AACS: variants seen among roughly 807,000 people sequenced by gnomAD.
The protein encoded by AACS is acetoacetyl-CoA synthetase.
AACS carries 69 observed loss-of-function variants against 83.1 expected under a neutral mutation model. The observed-to-expected ratio is 0.83, with a 90% CI of 0.68 to 1.01. AACS has a LOEUF of 1.01. Ranked by LOEUF, AACS falls within the 50% of genes least tolerant of loss-of-function variation. AACS has a pLI of 0.00. For missense variants in AACS, 866 were observed against 882.2 expected (o/e 0.98, Z 0.23); for synonymous variants, 333 against 343.4 (o/e 0.97, Z 0.33).
chr12:125,134,713 G>A (rs1957376107), intron 15 of AACS, 81 bp from the exon 16 acceptor site: 1 of 1,510,014 alleles, frequency 6.6e-7, no homozygotes, highest in South Asian at 1.1e-5. Flanking sequence ...AAAGTGGGGG[G>A]TGACTGCCCT....
At chr12:125,135,146 TTTTTTGGAGACAGAGTCTCGC>T (rs1374667552) in intron 16 of AACS, among the ~76,000 whole-genome samples, 1 of 151,948 alleles carries the variant, frequency 6.6e-6, no homozygotes, top group African/African-American at 2.4e-5. Context: ...TCTTTTTTTT[TTTTTTGGAGACAGAGTCTCGC>T]TGTGTCACCC....
intron 7 of AACS, among the ~76,000 whole-genome samples, chr12:125,106,898 T>G (rs887890965): frequency 6.6e-6 from 1 of 152,200 alleles, no homozygotes; most frequent in African/African-American, 2.4e-5. Flanking sequence ...TTAAGCAACT[T>G]GAAACCTTCA....
chr12:125,067,643 C>T (rs1352571156), intron 1 of AACS, among the ~76,000 whole-genome samples: 1 of 152,094 alleles, frequency 6.6e-6, no homozygotes, highest in African/African-American at 2.4e-5. Flanking sequence ...ACGCAGTTCT[C>T]CTGCCTCAGC....
chr12:125,091,985 C>T (rs1181684439), intron 5 of AACS, among the ~76,000 whole-genome samples: 1 of 152,228 alleles, frequency 6.6e-6, no homozygotes, highest in African/African-American at 2.4e-5. Context: ...TGTGGGTGTG[C>T]ACTCCGGGAG....
chr12:125,141,167 T>A (rs2136147792), intron 17 of AACS: 1 of 152,434 alleles, frequency 6.6e-6, no homozygotes, highest in East Asian at 1.9e-4. Context: ...CCCTGAAAAC[T>A]TTCTTGCCCA....
At position 125,102,892 on chromosome 12, in the gene AACS, T is replaced by G. The variant is rs978665282; in HGVS notation, c.685+99T>G. On this transcript the variant is annotated intron_variant, in intron 6 of 17. Coordinates refer to ENST00000316519, the MANE Select transcript of AACS (RefSeq NM_023928.5). Reference sequence around the variant, plus strand: ...AATCTGGGTAGTCTCTGCCCCAGATTGTGTTATATTCTCTGCCCCAGATTG... The same window carrying G: ...AATCTGGGTAGTCTCTGCCCCAGATGGTGTTATATTCTCTGCCCCAGATTG... 1.3e-5 allele frequency: 19 copies of G among 1,430,484 alleles called. No homozygotes were observed. The African/African-American group carries it at 2.3e-4, about 17-fold the overall frequency. 88.6% of individuals were successfully genotyped at this position (1,430,484 alleles called of 1,614,324 possible). A position where few individuals can be genotyped will look rare whatever the true frequency, so the allele number is the denominator to read the frequency against.
chr12:125,128,396 T>C, intron 13 of AACS, 122 bp downstream of exon 13: 2 of 829,434 alleles, frequency 2.4e-6, no homozygotes, highest in Non-Finnish European at 3.6e-6. Context: ...GGGAGGCCCC[T>C]GTCACTTGCA....
chr12:125,099,660 A>G (rs566752718), intron 5 of AACS, among the ~76,000 whole-genome samples: 2 of 152,262 alleles, frequency 1.3e-5, no homozygotes, highest in East Asian at 3.9e-4. Context: ...TCTACAAGGG[A>G]TAACTGGAAA....
intron 5 of AACS, among the ~76,000 whole-genome samples, chr12:125,099,990 C>G (rs540538310): frequency 1.3e-5 from 2 of 151,966 alleles, no homozygotes; most frequent in African/African-American, 4.8e-5. Context: ...TGCATTTTTT[C>G]TTCTTGACCA....
In AACS at chr12:125,065,638, G is replaced by GT. The variant is rs775993050; in HGVS notation, c.55dup (p.Trp19LeufsTer4). 3 of 1,545,396 alleles carry GT rather than the reference G, an allele frequency of 1.9e-6. No homozygotes were observed. Among genetic ancestry groups the GT allele is most frequent in the Non-Finnish European group, 1.7e-6 (2 of 1,144,480 alleles). The stretch of plus-strand genomic sequence containing the variant: ...AGGAGATCCTGGAGTGCCAGGTGAT[G>GT]TGGGAGCCTGACAGTAAGAAGAACA... On this transcript the variant is annotated frameshift_variant, in exon 1 of 18. Coordinates refer to ENST00000316519, the MANE Select transcript of AACS (RefSeq NM_023928.5). LOFTEE classifies it high-confidence loss of function.
At chr12:125,114,719 C>T (rs1592988400) in intron 9 of AACS, among the ~76,000 whole-genome samples, 162 bp downstream of exon 9, 2 of 111,726 alleles carry the variant, frequency 1.8e-5, no homozygotes. Context: ...TAGGGGCTTC[C>T]CTGGGTGCCA....
At chr12:125,108,451 C>T (rs1956880053) in intron 8 of AACS, among the ~76,000 whole-genome samples, 1 of 152,170 alleles carries the variant, frequency 6.6e-6, no homozygotes, top group Non-Finnish European at 1.5e-5. Context: ...TAAACTCTGT[C>T]ACCTTTTAAA....
chr12:125,107,206 C>G lies in AACS; in HGVS notation c.853C>G (p.Leu285Val), dbSNP rs557257508. The G allele has an allele frequency of 1.2e-6, 2 of 1,614,170 alleles. No individual in the cohort carries two copies. The highest frequency in any genetic ancestry group is 1.7e-6 in the Non-Finnish European group (2 of 1,180,048). ...CGAGCAGCTGCCCTTCAGCCACCCACTGTTCATCATGTTCTCATCGGGCAC... is the reference window on the plus strand; with the variant it reads ...CGAGCAGCTGCCCTTCAGCCACCCAGTGTTCATCATGTTCTCATCGGGCAC... ...EFEQLPFSHP[L>V]FIMFSSGTTG... The change falls in exon 8 of 18, where the codon CTG becomes GTG. Residue 285 changes from leucine (L) to valine (V), a missense_variant. Coordinates refer to ENST00000316519, the MANE Select transcript of AACS (RefSeq NM_023928.5).
At chr12:125,090,707 C>T (rs971921248) in intron 4 of AACS, among the ~76,000 whole-genome samples, 2 of 142,604 alleles carry the variant, frequency 1.4e-5, no homozygotes, top group African/African-American at 6.2e-5. Flanking sequence ...ATCCTCCATT[C>T]ATCATTCCTC....
At chr12:125,068,182 C>T (rs1467224983) in intron 1 of AACS, among the ~76,000 whole-genome samples, 1 of 152,174 alleles carries the variant, frequency 6.6e-6, no homozygotes, top group Admixed American at 6.5e-5. Flanking sequence ...GGGGGCTGGG[C>T]GTGGTGGCTC....
intron 10 of AACS, 35 bp from the exon 11 acceptor site, chr12:125,124,670 A>T (rs1292359339): frequency 1.2e-5 from 20 of 1,610,806 alleles, no homozygotes; most frequent in Non-Finnish European, 1.7e-5. Context: ...AGCCTTGAAG[A>T]GTTTCTGGTG....
intron 8 of AACS, among the ~76,000 whole-genome samples, chr12:125,110,106 G>A (rs1222722106): frequency 1.3e-5 from 2 of 151,096 alleles, no homozygotes; most frequent in Non-Finnish European, 2.9e-5. Context: ...TGCAACCTCT[G>A]CCTCCCGGGT....
At chr12:125,127,150 A>AT (rs1957258374) in intron 12 of AACS, 1 of 151,420 alleles carries the variant, frequency 6.6e-6, no homozygotes, top group Non-Finnish European at 1.5e-5. Flanking sequence ...AAAAAAAAAA[A>AT]GGTGCCATTT....
At chr12:125,131,947 A>C (rs1957335115) in intron 14 of AACS, among the ~76,000 whole-genome samples, 1 of 152,230 alleles carries the variant, frequency 6.6e-6, no homozygotes. Flanking sequence ...GTAAAAGCAG[A>C]CTTAAGATTT....
Sources: gnomAD v4.1 joint callset for allele counts (sites outside exome capture counted in the v4.1 genomes callset) on GRCh38, gnomAD v4.1.1 for gene constraint, MANE v1.5 for transcripts, NCBI Gene and HGNC (gene_info 2026-07-23, HGNC 2026-07-21) for gene names.